Variants in CR1L observed in about 807,000 individuals in gnomAD.
CR1L encodes the protein complement C3b/C4b receptor 1 like.
A neutral mutation model predicts 62.3 loss-of-function variants in CR1L; 59 were observed. That is an observed-to-expected ratio of 0.95 (90% CI 0.77 to 1.18). CR1L has a LOEUF of 1.18. Among genes scored for constraint, CR1L ranks in the 50% most tolerant of loss-of-function variants. The pLI, the probability that CR1L is intolerant of heterozygous loss-of-function variation, is 0.00. For missense variants in CR1L, 700 were observed against 702.8 expected (o/e 1.00, Z 0.04); for synonymous variants, 279 against 248.7 (o/e 1.12, Z -1.15).
At chr1:207,654,074 C>A (rs1288695442) in intron 1 of CR1L, among the ~76,000 whole-genome samples, 1 of 152,164 alleles carries the variant, frequency 6.6e-6, no homozygotes, top group African/African-American at 2.4e-5. Context: ...TTAATGAAGA[C>A]CCTCTAGAAA....
chr1:207,713,587 C>T (rs764327888), intron 10 of CR1L, among the ~76,000 whole-genome samples: 4 of 152,214 alleles, frequency 2.6e-5, no homozygotes, highest in East Asian at 1.9e-4. Flanking sequence ...ATGGCTGCCG[C>T]GACTACATGC....
chr1:207,708,288 TC>T, intron 10 of CR1L, 25 bp downstream of exon 10: 1 of 1,608,692 alleles, frequency 6.2e-7, no homozygotes. Flanking sequence ...CTTTCCCCAT[TC>T]ACCCCACCAT....
intron 7 of CR1L, 135 bp downstream of exon 7, chr1:207,698,008 G>A: frequency 2.2e-6 from 3 of 1,367,764 alleles, no homozygotes; most frequent in Non-Finnish European, 3.0e-6. Flanking sequence ...TCAGAGAGAT[G>A]AACTTTTGAA....
At chr1:207,714,865 A>G (rs1213634265) in intron 10 of CR1L, among the ~76,000 whole-genome samples, 2 of 152,156 alleles carry the variant, frequency 1.3e-5, no homozygotes, top group Non-Finnish European at 2.9e-5. Flanking sequence ...GGCGAGAAGA[A>G]CAGATATTCC....
At chr1:207,715,550 G>C (rs979585248) in intron 10 of CR1L, among the ~76,000 whole-genome samples, 3 of 152,116 alleles carry the variant, frequency 2.0e-5, no homozygotes, top group African/African-American at 7.2e-5. Context: ...GGTCTTGTAG[G>C]ACTTTTCTGA....
chr1:207,718,572 C>T (rs1313648805), intron 11 of CR1L, among the ~76,000 whole-genome samples: 2 of 152,144 alleles, frequency 1.3e-5, no homozygotes, highest in Admixed American at 1.3e-4. Flanking sequence ...CAGGCACCCA[C>T]CACCACACCT....
intron 9 of CR1L, among the ~76,000 whole-genome samples, chr1:207,707,837 A>G (rs1300764282): frequency 7.8e-6 from 1 of 127,938 alleles, no homozygotes; most frequent in Non-Finnish European, 1.7e-5. Context: ...GGGAATACGC[A>G]AACAAAAAAT....
intron 3 of CR1L, 99 bp from the exon 4 acceptor site, chr1:207,683,773 C>T (rs1663845552): frequency 1.8e-6 from 2 of 1,133,066 alleles, no homozygotes; most frequent in Non-Finnish European, 2.5e-6. Context: ...GAAAATGTCC[C>T]TCTGAATTCT....
At chr1:207,648,841 CACAAG>C (rs1448215639) in intron 1 of CR1L, among the ~76,000 whole-genome samples, 1 of 152,228 alleles carries the variant, frequency 6.6e-6, no homozygotes, top group Non-Finnish European at 1.5e-5. Flanking sequence ...AGATAGGCAG[CACAAG>C]AAATGGCTAA....
chr1:207,702,124 G>A (rs190489112), intron 9 of CR1L, among the ~76,000 whole-genome samples: 63 of 152,312 alleles, frequency 4.1e-4, no homozygotes, highest in African/African-American at 1.4e-3. Flanking sequence ...CCAACAGTGT[G>A]TGTTGACTTC....
At chr1:207,678,716 C>T (rs1001860177) in intron 3 of CR1L, among the ~76,000 whole-genome samples, 13 of 152,120 alleles carry the variant, frequency 8.5e-5, no homozygotes, top group African/African-American at 1.9e-4. Flanking sequence ...CCAAAACAGG[C>T]GGCTTAATAC....
chr1:207,720,480 A>G, intron 11 of CR1L, among the ~76,000 whole-genome samples: 1 of 152,122 alleles, frequency 6.6e-6, no homozygotes, highest in East Asian at 1.9e-4. Flanking sequence ...GGGTTTTGAG[A>G]CAGAATAGCA....
intron 4 of CR1L, 80 bp from the exon 5 acceptor site, chr1:207,694,273 T>A: frequency 2.0e-6 from 3 of 1,534,994 alleles, no homozygotes; most frequent in Non-Finnish European, 2.7e-6. Flanking sequence ...AAATAATGAA[T>A]GTAAAAATAG....
intron 1 of CR1L, among the ~76,000 whole-genome samples, chr1:207,647,698 G>C (rs1046646008): frequency 2.0e-5 from 3 of 152,190 alleles, no homozygotes; most frequent in African/African-American, 7.2e-5. Flanking sequence ...TCTTTAAAGA[G>C]CTATGCTCAG....
At chr1:207,678,712 C>G (rs1295603507) in intron 3 of CR1L, among the ~76,000 whole-genome samples, 1 of 152,198 alleles carries the variant, frequency 6.6e-6, no homozygotes, top group Admixed American at 6.5e-5. Flanking sequence ...TACTCCAAAA[C>G]AGGCGGCTTA....
intron 4 of CR1L, among the ~76,000 whole-genome samples, chr1:207,684,331 C>T (rs1452207612): frequency 1.5e-5 from 2 of 129,228 alleles, no homozygotes; most frequent in Non-Finnish European, 3.4e-5. Flanking sequence ...AGAACCTGGA[C>T]TCTCATGTAC....
At position 207,708,268 on chromosome 1, in the gene CR1L, G is replaced by C; in HGVS notation, c.1414+5G>C. On this transcript the variant is annotated splice_donor_5th_base_variant and intron_variant, in intron 10 of 11. Transcript: ENST00000508064. Reference sequence around the variant, plus strand: ...TGAAGCCACCAATTTGTCAACGTGAGTTGAAATCTCTTTCCCCATTCACCC... The same window carrying C: ...TGAAGCCACCAATTTGTCAACGTGACTTGAAATCTCTTTCCCCATTCACCC... 1 of 1,611,110 alleles carries C rather than the reference G, an allele frequency of 6.2e-7. No homozygotes were observed. Among genetic ancestry groups the C allele is most frequent in the African/African-American group, 1.3e-5 (1 of 74,944 alleles).
chr1:207,683,665 A>G (rs936788365), intron 3 of CR1L, among the ~76,000 whole-genome samples: 2 of 152,228 alleles, frequency 1.3e-5, no homozygotes, highest in African/African-American at 2.4e-5. Flanking sequence ...ATAATAAAAA[A>G]GAGAAATCCC....
chr1:207,696,476 G>T (rs2102469737), intron 5 of CR1L, among the ~76,000 whole-genome samples: 1 of 152,352 alleles, frequency 6.6e-6, no homozygotes, highest in East Asian at 1.9e-4. Context: ...CAGTGCAGAA[G>T]TGTGAGGCTA....
Sources: allele counts gnomAD v4.1 joint callset (sites outside exome capture counted in the v4.1 genomes callset), GRCh38; gene constraint gnomAD v4.1.1; transcripts MANE v1.5; gene names NCBI Gene and HGNC (gene_info 2026-07-23, HGNC 2026-07-21).